ENO3: variants seen among roughly 807,000 people sequenced by gnomAD.
ENO3 encodes the protein beta-enolase.
A neutral mutation model predicts 47.7 loss-of-function variants in ENO3; 46 were observed. The observed-to-expected ratio is 0.96, with a 90% CI of 0.76 to 1.23. The LOEUF is 1.23. Ranked by LOEUF, ENO3 falls within the 50% of genes most tolerant of loss-of-function variation. The probability of loss-of-function intolerance (pLI) is 0.00; values close to 1 mark genes in which losing one functional copy is unlikely to be tolerated. For synonymous variants in ENO3, 223 were observed against 225.9 expected (o/e 0.99, Z 0.11); for missense variants, 575 against 566.2 (o/e 1.02, Z -0.16).
At chr17:4,956,922 G>A in intron 11 of ENO3, 33 bp downstream of exon 11, 1 of 1,614,230 alleles carries the variant, frequency 6.2e-7, no homozygotes, top group Non-Finnish European at 8.5e-7. Flanking sequence ...GGGCATTGGG[G>A]TGCTGGAGGC....
chr17:4,955,701 T>G, intron 8 of ENO3, 97 bp downstream of exon 8: 2 of 1,530,466 alleles, frequency 1.3e-6, no homozygotes, highest in Non-Finnish European at 1.8e-6. Context: ...ACTTGGATCC[T>G]TCCAATTCTT....
intron 8 of ENO3, 94 bp from the exon 9 acceptor site, chr17:4,955,848 G>GCCCTGTCTCTT: frequency 2.0e-6 from 1 of 489,256 alleles, no homozygotes; most frequent in Non-Finnish European, 3.1e-6. Context: ...CCCTGTCTCT[G>GCCCTGTCTCTT]CCCTGTCTCT....
At position 4,955,304 on chromosome 17, in the gene ENO3, G is replaced by A; in HGVS notation, c.667+7G>A. ...ATCCTGGAGAACAATGAGGGTCAGTGCTGAGCACCCTGGGGGGCAGACCCC... is the reference window on the plus strand; with the variant it reads ...ATCCTGGAGAACAATGAGGGTCAGTACTGAGCACCCTGGGGGGCAGACCCC... On this transcript the variant is annotated splice_region_variant and intron_variant, in intron 7 of 11. Transcript: ENST00000519602. 6.2e-7 allele frequency: 1 copy of A among 1,614,260 alleles called. No individual in the cohort carries two copies. Among genetic ancestry groups the A allele is most frequent in the African/African-American group, 1.3e-5 (1 of 75,076 alleles).
At chr17:4,953,015 G>A (rs369407375) in intron 3 of ENO3, 36 bp from the exon 4 acceptor site, 4 of 1,613,902 alleles carry the variant, frequency 2.5e-6, no homozygotes, top group East Asian at 2.2e-5. Context: ...GGGCCCAGTT[G>A]ATTGAGCTCC....
rs541409267 is a variant in ENO3 at position 4,952,506 on chromosome 17, G to A, written c.86-289G>A. ...CTACAGCTAATTTTTTGTATTTTTA[G>A]TAGAGATGGGGTTTCACGGTGTCAG... On this transcript the variant is annotated intron_variant, in intron 2 of 11. Transcript: ENST00000519602. Among the ~76,000 whole-genome samples the A allele has an allele frequency of 7.2e-5, 11 of 152,238 alleles. 1 individual carries two copies. In the South Asian group the frequency reaches 2.1e-3, roughly 29 times the overall value.
At chr17:4,952,034 C>CA (rs1218963576) in intron 2 of ENO3, 120 bp downstream of exon 2, 5 of 1,109,050 alleles carry the variant, frequency 4.5e-6, no homozygotes, top group Non-Finnish European at 6.7e-6. Context: ...GACTTCTTCC[C>CA]AAGCCCCCTT....
In ENO3 at chr17:4,952,836, A is replaced by G. The variant is rs1971587562; in HGVS notation, c.127A>G (p.Ile43Val). 6.2e-7 allele frequency: 1 copy of G among 1,612,094 alleles called. No homozygotes were observed. The highest frequency in any genetic ancestry group is 1.3e-5 in the African/African-American group (1 of 74,912). ...TGTGCCCAGTGGGGCTTCCACGGGT[A>G]TCTATGAGGCTCTGGAACTAAGAGA... ...AAVPSGASTGIYEALELRDGD... is the reference protein window; with the variant it reads ...AAVPSGASTGVYEALELRDGD... The change falls in exon 3 of 12, where the codon ATC becomes GTC. Residue 43 changes from isoleucine (I) to valine (V), a missense_variant. Ile to Val is a conservative substitution (Grantham distance 29, BLOSUM62 3). Coordinates refer to ENST00000519602, the MANE Select transcript of ENO3 (RefSeq NM_053013.4).
At chr17:4,949,564 C>T (rs1302518303), upstream of ENO3, among the ~76,000 whole-genome samples, 1 of 151,696 alleles carries the variant, frequency 6.6e-6, no homozygotes, top group Admixed American at 6.6e-5. Context: ...CACTTCGGGC[C>T]CTTTGGGTTT....
chr17:4,952,046 T>C, intron 2 of ENO3, 132 bp downstream of exon 2: 1 of 974,130 alleles, frequency 1.0e-6, no homozygotes, highest in Non-Finnish European at 1.6e-6. Flanking sequence ...AGCCCCCTTC[T>C]TCCAACGTGG....
intron 7 of ENO3, 36 bp from the exon 8 acceptor site, chr17:4,955,371 A>G: frequency 6.2e-7 from 1 of 1,614,228 alleles, no homozygotes; most frequent in South Asian, 1.1e-5. Context: ...GACAAGGGGC[A>G]CTGGAGTCTC....
Position 4,955,958 on chromosome 17 carries a change from C to T in ENO3, c.882C>T (p.Asp294=). 6.2e-7 allele frequency: 1 copy of T among 1,613,680 alleles called. No individual in the cohort carries two copies. The highest frequency in any genetic ancestry group is 1.1e-5 in the South Asian group (1 of 91,016). ...CCCCACCAGTGGTCTCCATCGAAGA[C>T]CCCTTTGACCAGGATGACTGGGCCA... is the stretch of plus-strand genomic sequence containing the variant. ...IKNYPVVSIE[D]PFDQDDWATW... Residue 294 remains aspartate (D), a synonymous_variant, in exon 9 of 12, where the codon GAC becomes GAT. Transcript: ENST00000519602.
upstream of ENO3, chr17:4,949,149 G>A (rs964779531): frequency 6.6e-6 from 1 of 152,274 alleles, no homozygotes; most frequent in African/African-American, 2.4e-5. Flanking sequence ...GAAGCCGTGC[G>A]CGCTGCCGCC....
chr17:4,955,373 T>C, intron 7 of ENO3, 34 bp from the exon 8 acceptor site: 1 of 1,614,258 alleles, frequency 6.2e-7, no homozygotes, highest in Non-Finnish European at 8.5e-7. Context: ...CAAGGGGCAC[T>C]GGAGTCTCAG....
At chr17:4,951,488 T>C (rs1228773306) in intron 1 of ENO3, among the ~76,000 whole-genome samples, 1 of 151,814 alleles carries the variant, frequency 6.6e-6, no homozygotes, top group Non-Finnish European at 1.5e-5. Flanking sequence ...CCAGAAAGGA[T>C]TTGAAGGCCA....
chr17:4,949,975 C>T (rs1034120968), upstream of ENO3, among the ~76,000 whole-genome samples: 368 of 148,312 alleles, frequency 2.5e-3, 6 homozygotes, highest in Non-Finnish European at 7.9e-4. Flanking sequence ...CCGGGAGGAG[C>T]GGCCTGAGAT....
chr17:4,952,889 A>G lies in ENO3; in HGVS notation c.180A>G (p.Lys60=), dbSNP rs1388634335. The change falls in exon 3 of 12, where the codon AAA becomes AAG. Residue 60 remains lysine, a splice_region_variant and synonymous_variant. Transcript: ENST00000519602. ...GAGACAAAGGCCGCTACCTGGGGAA[A>G]GGTGAGGAGACACCAGCGCAGAAGG... The part of the protein sequence containing the change: ...RDGDKGRYLG[K]GVLKAVENIN... 1 of 1,612,296 alleles carries G rather than the reference A, an allele frequency of 6.2e-7. No individual in the cohort carries two copies. Among genetic ancestry groups the G allele is most frequent in the Non-Finnish European group, 8.5e-7 (1 of 1,179,040 alleles).
chr17:4,954,931 G>A, intron 6 of ENO3, 144 bp from the exon 7 acceptor site: 1 of 596,896 alleles, frequency 1.7e-6, no homozygotes, highest in Non-Finnish European at 2.9e-6. Context: ...AATGAGGAAA[G>A]AGGCTCTTGA....
chr17:4,956,688 G>A lies in ENO3; in HGVS notation c.1176+7G>A, dbSNP rs780236325. ...GGGGCTCTGCACAGGACAGGTACTT[G>A]TAGCTTCTCTCTACTGAGTGTCTCA... On this transcript the variant is annotated splice_region_variant and intron_variant, in intron 10 of 11. Coordinates refer to ENST00000519602, the MANE Select transcript of ENO3 (RefSeq NM_053013.4). 17 of 1,614,084 alleles carry A rather than the reference G, an allele frequency of 1.1e-5. No individual in the cohort carries two copies. The Admixed American group carries it at 2.5e-4, about 24-fold the overall frequency.
In ENO3 at chr17:4,953,857, T is replaced by C; in HGVS notation, c.444+12T>C. 1 of 1,614,068 alleles carries C rather than the reference T, an allele frequency of 6.2e-7. No homozygotes were observed. Among genetic ancestry groups the C allele is most frequent in the Non-Finnish European group, 8.5e-7 (1 of 1,179,990 alleles). ...TACTCCCAGTGCCAGTGAGTGCAGC[T>C]ACCCGCCCTTCCCAGATCTCGCCTG... On this transcript the variant is annotated intron_variant, in intron 6 of 11. Coordinates refer to ENST00000519602, the MANE Select transcript of ENO3 (RefSeq NM_053013.4).
Sources: allele counts gnomAD v4.1 joint callset (sites outside exome capture counted in the v4.1 genomes callset), GRCh38; gene constraint gnomAD v4.1.1; transcripts MANE v1.5; gene names NCBI Gene and HGNC (gene_info 2026-07-23, HGNC 2026-07-21).